Variants in XDH observed in about 807,000 individuals in gnomAD.
XDH encodes xanthine dehydrogenase/oxidase.
In XDH, 138 loss-of-function variants were observed where a neutral mutation model predicts 156.1. The ratio of observed to expected loss-of-function variants is 0.88; its 90% CI spans 0.77 to 1.02. XDH has a LOEUF of 1.02. Among genes scored for constraint, XDH ranks in the 50% least tolerant of loss-of-function variants. The pLI is 0.00. For missense variants in XDH, 1,849 were observed against 1,684.9 expected (o/e 1.10, Z -1.71); for synonymous variants, 669 against 625.7 (o/e 1.07, Z -1.03).
chr2:31,388,033 G>A, intron 7 of XDH, 136 bp from the exon 8 acceptor site: 1 of 1,155,254 alleles, frequency 8.7e-7, no homozygotes, highest in Non-Finnish European at 1.3e-6. Context: ...TAATCCCTGG[G>A]AGGCAGGAAT....
intron 2 of XDH, 33 bp from the exon 3 acceptor site, chr2:31,403,177 A>C: frequency 1.9e-6 from 3 of 1,609,416 alleles, no homozygotes; most frequent in Non-Finnish European, 1.7e-6. Context: ...GAATGAACTC[A>C]GGGAGAGGAG....
intron 2 of XDH, 110 bp from the exon 3 acceptor site, chr2:31,403,254 C>A (rs2148008056): frequency 8.4e-7 from 1 of 1,191,570 alleles, no homozygotes; most frequent in East Asian, 2.5e-5. Context: ...CACACGTGCT[C>A]AGGCCCCTCA....
chr2:31,378,099 AAAGAAAGAAAGGAAGGAAGGAAGG>A (rs1686306608), intron 13 of XDH, among the ~76,000 whole-genome samples: 111 of 52,556 alleles, frequency 2.1e-3, no homozygotes, highest in African/African-American at 7.4e-3. Context: ...AGAAAGAAAG[AAAGAAAGAAAGGAAGGAAGGAAGG>A]AAGGAAGGAA....
intron 1 of XDH, among the ~76,000 whole-genome samples, chr2:31,409,169 G>A (rs1474402629): frequency 6.6e-6 from 1 of 152,108 alleles, no homozygotes; most frequent in Non-Finnish European, 1.5e-5. Context: ...GAGGAAAGTA[G>A]GGATGGCTAA....
intron 32 of XDH, among the ~76,000 whole-genome samples, chr2:31,341,733 A>G (rs966483890): frequency 1.3e-5 from 2 of 152,226 alleles, no homozygotes; most frequent in African/African-American, 4.8e-5. Flanking sequence ...CATGTACAAA[A>G]GAGTCAATAT....
intron 24 of XDH, among the ~76,000 whole-genome samples, chr2:31,362,222 C>T (rs1010445332): frequency 2.6e-5 from 4 of 152,172 alleles, no homozygotes; most frequent in South Asian, 2.1e-4. Context: ...GCACCATTGA[C>T]TATGATTTGG....
intron 1 of XDH, among the ~76,000 whole-genome samples, chr2:31,411,957 A>AAGTGAGTG (rs45455193): frequency 0.024 from 3,609 of 150,438 alleles, 54 homozygotes; most frequent in Non-Finnish European, 0.025. Flanking sequence ...AATGATGAGT[A>AAGTGAGTG]AGTGAGTGAG....
intron 16 of XDH, 49 bp downstream of exon 16, chr2:31,373,824 T>G: frequency 6.3e-7 from 1 of 1,595,784 alleles, no homozygotes; most frequent in African/African-American, 1.3e-5. Flanking sequence ...AGCCAACTCA[T>G]GTGGCCTGCA....
intron 17 of XDH, among the ~76,000 whole-genome samples, chr2:31,370,684 C>T (rs900445696): frequency 4.6e-5 from 7 of 152,178 alleles, no homozygotes; most frequent in African/African-American, 1.7e-4. Context: ...GGCCACTATG[C>T]TGAATGTTGC....
chr2:31,364,127 G>A (rs1007224190), intron 24 of XDH, 31 bp downstream of exon 24: 2 of 1,610,058 alleles, frequency 1.2e-6, no homozygotes, highest in Non-Finnish European at 1.7e-6. Flanking sequence ...AGTCAGCTCT[G>A]GGTGCAGGGG....
rs149487595 is a variant in XDH, at chr2:31,386,510, G to A, written c.697C>T (p.Arg233Cys). ...GTTGAGGCCTGTATCCACGTCACAC[G>A]CTCCCCTTCAAATCGCAGCTGCTTC... Reference protein sequence around the residue: ...PRKQLRFEGERVTWIQASTLK... With the variant: ...PRKQLRFEGECVTWIQASTLK... The change falls in exon 9 of 36, where the codon CGT (arginine) becomes TGT (cysteine). Residue 233 changes from arginine (R) to cysteine (C), a missense_variant. By Grantham distance (180) the Arg-to-Cys change is radical. Transcript: ENST00000379416. The A allele has an allele frequency of 1.5e-4, 235 of 1,613,956 alleles. No individual in the cohort carries two copies. The highest frequency in any genetic ancestry group is 1.9e-4 in the Non-Finnish European group (225 of 1,180,018).
chr2:31,334,695 G>A lies in XDH; in HGVS notation c.*1263C>T, dbSNP rs576084760. On this transcript the variant is annotated 3_prime_UTR_variant, in exon 36 of 36. Coordinates refer to ENST00000379416, the MANE Select transcript of XDH (RefSeq NM_000379.4). ...TTTATAGGCTTTTAAAGCAGAAGAC[G>A]TGAGACAACCCTTTACTGCAACCCT... 1.4e-4 allele frequency: 21 copies of A among 152,160 alleles called. No homozygotes were observed. The highest frequency in any genetic ancestry group is 6.5e-4 in the Admixed American group (10 of 15,284). The allele number at this position is 152,160 out of a possible 1,614,324, so 9.4% of individuals were successfully genotyped here.
chr2:31,385,899 C>T (rs1350196333), intron 9 of XDH, among the ~76,000 whole-genome samples: 1 of 152,166 alleles, frequency 6.6e-6, no homozygotes, highest in African/African-American at 2.4e-5. Flanking sequence ...TTTATGGAAC[C>T]TCTAGTGTCC....
chr2:31,407,753 A>AT (rs1004440435), intron 1 of XDH, among the ~76,000 whole-genome samples: 3 of 152,196 alleles, frequency 2.0e-5, no homozygotes, highest in South Asian at 2.1e-4. Context: ...TAACCATAAG[A>AT]TTTTTTATTG....
At chr2:31,368,146 T>C in intron 19 of XDH, 89 bp from the exon 20 acceptor site, 1 of 1,180,566 alleles carries the variant, frequency 8.5e-7, no homozygotes, top group Non-Finnish European at 1.3e-6. Flanking sequence ...CTCTCTGAAT[T>C]GTTGACTCTC....
chr2:31,379,890 T>A lies in XDH; in HGVS notation c.1219A>T (p.Ile407Leu). 1 of 1,614,172 alleles carries A rather than the reference T, an allele frequency of 6.2e-7. No individual in the cohort carries two copies. The change falls in exon 13 of 36, where the codon ATA becomes TTA. Residue 407 changes from isoleucine to leucine, a missense_variant. By Grantham distance (5) the Ile-to-Leu change is conservative. Coordinates refer to ENST00000379416, the MANE Select transcript of XDH (RefSeq NM_000379.4). ...ACCTCCCTGCTGTAGGGGATCTCTA[T>A]GGAGAGCAGTATCTCCTCCGGGCTC... ...LLSPEEILLS[I>L]EIPYSREGEY...
At chr2:31,386,328 G>C (rs1249159896) in intron 9 of XDH, 86 bp downstream of exon 9, 8 of 1,575,884 alleles carry the variant, frequency 5.1e-6, no homozygotes, top group Non-Finnish European at 6.9e-6. Flanking sequence ...GGCAAGTAAA[G>C]TCAGGGGGAG....
rs569419428 is a variant in XDH, at chr2:31,344,029, A to G, written c.3404+655T>C. Among the ~76,000 whole-genome samples the G allele has an allele frequency of 1.2e-3, 181 of 152,288 alleles. 1 individual carries two copies. The highest frequency in any genetic ancestry group is 4.2e-3 in the African/African-American group (176 of 41,566). ...AAGGTCCTAGCTAAACTTCCCAGAG[A>G]CGGCTAAAATATGATGACTGACAGT... On this transcript the variant is annotated intron_variant, in intron 31 of 35. Coordinates refer to ENST00000379416, the MANE Select transcript of XDH (RefSeq NM_000379.4).
At chr2:31,352,686 C>T (rs543301206) in intron 24 of XDH, among the ~76,000 whole-genome samples, 4 of 152,256 alleles carry the variant, frequency 2.6e-5, no homozygotes, top group South Asian at 2.1e-4. Context: ...TGTTTTTCAA[C>T]GTGATTTTTT....
Sources: allele counts gnomAD v4.1 joint callset (sites outside exome capture counted in the v4.1 genomes callset), GRCh38; gene constraint gnomAD v4.1.1; transcripts MANE v1.5; gene names NCBI Gene and HGNC (gene_info 2026-07-23, HGNC 2026-07-21).